Variants in FRYL observed in about 807,000 individuals in gnomAD.
FRYL encodes the protein protein furry homolog-like.
A neutral mutation model predicts 351.2 loss-of-function variants in FRYL; 150 were observed. That is an observed-to-expected ratio of 0.43 (90% CI 0.37 to 0.49). The LOEUF (loss-of-function observed/expected upper bound fraction) is 0.49. FRYL is among the 20% of genes least tolerant of loss of function. FRYL has a pLI of 0.00. For missense variants in FRYL, 3,036 were observed against 3,619.3 expected (o/e 0.84, Z 4.13); for synonymous variants, 1,153 against 1,257.1 (o/e 0.92, Z 1.75).
At position 48,708,275 on chromosome 4, in the gene FRYL, G is replaced by A. The variant is rs150505694; in HGVS notation, c.-204+2244C>T. ...GCCTGGACAACAAGAGCGAGACTCC[G>A]TCTCAAAAAAATAAATAAATAAATA... On this transcript the variant is annotated intron_variant, in intron 2 of 63. Transcript: ENST00000358350. Among the ~76,000 whole-genome samples, 699 of 136,608 alleles carry A rather than the reference G, an allele frequency of 5.1e-3. 4 individuals are homozygous for A. Among genetic ancestry groups the A allele is most frequent in the African/African-American group, 0.018 (659 of 36,954 alleles). The allele number at this position is 136,608 out of a possible 152,430, so 89.6% of individuals were successfully genotyped here.
rs1474211112 is a variant in FRYL at position 48,561,744 on chromosome 4, G to A, written c.3697-108C>T. 15 of 817,626 alleles carry A rather than the reference G, an allele frequency of 1.8e-5. No individual in the cohort carries two copies. The Admixed American group carries it at 3.5e-4, about 19-fold the overall frequency. 50.6% of individuals were successfully genotyped at this position (817,626 alleles called of 1,614,324 possible). ...AAACTCTTCTCCCCAGCTGAGTGGA[G>A]TGGCTTATGCCTGTAATCTCAATAC... On this transcript the variant is annotated intron_variant, in intron 32 of 63. Coordinates refer to ENST00000358350, the MANE Select transcript of FRYL (RefSeq NM_015030.2).
chr4:48,598,418 T>C lies in FRYL; in HGVS notation c.1036-2418A>G, dbSNP rs568123591. Among the ~76,000 whole-genome samples, 167 of 152,316 alleles carry C rather than the reference T, an allele frequency of 1.1e-3. 1 individual carries two copies. The highest frequency in any genetic ancestry group is 1.7e-3 in the Non-Finnish European group (119 of 68,032). On this transcript the variant is annotated intron_variant, in intron 13 of 63. Transcript: ENST00000358350. Reference sequence around the variant, plus strand: ...AAACATCTCATGTATCCCATAAATATATACATCTACTATGTACCCACAAAA... The same window carrying C: ...AAACATCTCATGTATCCCATAAATACATACATCTACTATGTACCCACAAAA...
chr4:48,545,109 CA>C (rs1365819162), intron 42 of FRYL, among the ~76,000 whole-genome samples: 1 of 152,120 alleles, frequency 6.6e-6, no homozygotes, highest in African/African-American at 2.4e-5. Flanking sequence ...AGCAACAGAC[CA>C]GTCAAATTCT....
At chr4:48,698,301 CTCTT>C (rs562962894) in intron 2 of FRYL, among the ~76,000 whole-genome samples, 7 of 152,332 alleles carry the variant, frequency 4.6e-5, no homozygotes, top group South Asian at 2.1e-4. Flanking sequence ...GTTCTTGCCT[CTCTT>C]TGAGAAGCTA....
intron 3 of FRYL, among the ~76,000 whole-genome samples, chr4:48,647,490 G>C (rs1405692047): frequency 6.6e-6 from 1 of 152,046 alleles, no homozygotes; most frequent in Admixed American, 6.6e-5. Context: ...AATCTTATTA[G>C]TAAACTATGT....
At chr4:48,747,924 C>T (rs948705466) in intron 1 of FRYL, among the ~76,000 whole-genome samples, 1 of 152,054 alleles carries the variant, frequency 6.6e-6, no homozygotes. Context: ...TGTTGCGAGC[C>T]CTGTGTGAGG....
Position 48,590,651 on chromosome 4 carries a change from A to C in FRYL, c.1507+8T>G. The C allele has an allele frequency of 1.9e-6, 3 of 1,573,434 alleles. No individual in the cohort carries two copies. Among genetic ancestry groups the C allele is most frequent in the Non-Finnish European group, 2.6e-6 (3 of 1,150,556 alleles). On this transcript the variant is annotated splice_region_variant and intron_variant, in intron 17 of 63. Transcript: ENST00000358350. Reference sequence around the variant, plus strand: ...TACAAAGCAACATTTAATTTCAATTAAACTAACCTATGACTTTTGCTTCTT... The same window carrying C: ...TACAAAGCAACATTTAATTTCAATTCAACTAACCTATGACTTTTGCTTCTT...
chr4:48,715,494 G>A (rs1487438860), intron 1 of FRYL, among the ~76,000 whole-genome samples: 2 of 151,150 alleles, frequency 1.3e-5, no homozygotes, highest in Admixed American at 6.6e-5. Context: ...CAAACAGAGA[G>A]CCAAATCATG....
At position 48,614,459 on chromosome 4, in the gene FRYL, C is replaced by T. The variant is rs62309684; in HGVS notation, c.412-4636G>A. On this transcript the variant is annotated intron_variant, in intron 7 of 63. Transcript: ENST00000358350. ...GTAACTGGCTGGGTGCAATGGCACA[C>T]GCCTGTAATCCCTGCACTTTGGGAG... Among the ~76,000 whole-genome samples the T allele has an allele frequency of 5.3e-3, 804 of 152,196 alleles. 4 individuals are homozygous for T. Among genetic ancestry groups the T allele is most frequent in the Middle Eastern group, 0.014 (4 of 292 alleles).
intron 13 of FRYL, among the ~76,000 whole-genome samples, chr4:48,600,384 A>G (rs549477050): frequency 1.3e-5 from 2 of 152,308 alleles, no homozygotes; most frequent in South Asian, 4.1e-4. Flanking sequence ...ATGTAAGTTA[A>G]GGGTTAATGG....
intron 1 of FRYL, among the ~76,000 whole-genome samples, chr4:48,773,621 G>C (rs1775735041): frequency 6.6e-6 from 1 of 152,154 alleles, no homozygotes; most frequent in Non-Finnish European, 1.5e-5. Context: ...GTAGAATAAT[G>C]ATGGGTTAAA....
chr4:48,740,647 C>A (rs1266511145), intron 1 of FRYL, among the ~76,000 whole-genome samples: 1 of 151,990 alleles, frequency 6.6e-6, no homozygotes, highest in African/African-American at 2.4e-5. Context: ...ATACAGATGG[C>A]AAACACACAT....
Position 48,778,335 on chromosome 4 carries a change from A to AT in FRYL, c.-384+1742_-384+1743insA, listed in dbSNP as rs553831634. 9.6e-4 allele frequency among the ~76,000 whole-genome samples: 144 copies of AT among 149,556 alleles called. No individual in the cohort carries two copies. In the East Asian group the frequency reaches 0.021, roughly 22 times the overall value. ...TTTAAAAAGTTGGACTGCTTTAATA[A>AT]AAAAAAAAAAAACTGGGTCACATGT... On this transcript the variant is annotated intron_variant, in intron 1 of 63. Transcript: ENST00000358350.
intron 55 of FRYL, among the ~76,000 whole-genome samples, chr4:48,518,692 G>T (rs1724195146): frequency 6.6e-6 from 1 of 152,068 alleles, no homozygotes; most frequent in Admixed American, 6.5e-5. Flanking sequence ...TTAAACTGCT[G>T]CTTCTTCTGC....
At chr4:48,756,569 CT>C (rs1160217061) in intron 1 of FRYL, among the ~76,000 whole-genome samples, 3 of 152,200 alleles carry the variant, frequency 2.0e-5, no homozygotes, top group Admixed American at 6.5e-5. Context: ...ACTATTCTAA[CT>C]TTACCACAAC....
chr4:48,609,550 A>C (rs1383811381), intron 8 of FRYL, among the ~76,000 whole-genome samples, 194 bp downstream of exon 8: 1 of 151,982 alleles, frequency 6.6e-6, no homozygotes, highest in Non-Finnish European at 1.5e-5. Context: ...TGAGCCCAGG[A>C]GGTCAAGGCT....
intron 1 of FRYL, among the ~76,000 whole-genome samples, chr4:48,742,647 C>G (rs1393764297): frequency 6.6e-6 from 1 of 152,168 alleles, no homozygotes; most frequent in Non-Finnish European, 1.5e-5. Context: ...CCAATTCAGG[C>G]ATTATTCATG....
chr4:48,542,338 G>A (rs1730375776), intron 44 of FRYL, among the ~76,000 whole-genome samples: 1 of 152,152 alleles, frequency 6.6e-6, no homozygotes, highest in African/African-American at 2.4e-5. Flanking sequence ...AAATTGCTCA[G>A]GTCAGAAATC....
At chr4:48,554,463 C>T (rs1450051780) in intron 35 of FRYL, among the ~76,000 whole-genome samples, 5 of 152,076 alleles carry the variant, frequency 3.3e-5, no homozygotes, top group Non-Finnish European at 5.9e-5. Context: ...CGTCAGCCTC[C>T]GAGTAGGTGG....
Sources: gnomAD v4.1 joint callset for allele counts (sites outside exome capture counted in the v4.1 genomes callset) on GRCh38, gnomAD v4.1.1 for gene constraint, MANE v1.5 for transcripts, NCBI Gene and HGNC (gene_info 2026-07-23, HGNC 2026-07-21) for gene names.